CNTNAP2: variants seen among roughly 807,000 people sequenced by gnomAD.
CNTNAP2 encodes the protein contactin associated protein 2, also known as contactin-associated protein-like 2.
A neutral mutation model predicts 155.2 loss-of-function variants in CNTNAP2; 98 were observed. That is an observed-to-expected ratio of 0.63 (90% CI 0.54 to 0.75). CNTNAP2 has a LOEUF of 0.75. Ranked by LOEUF, CNTNAP2 falls within the 30% of genes least tolerant of loss-of-function variation. CNTNAP2 has a pLI of 0.00. For synonymous variants in CNTNAP2, 651 were observed against 631.2 expected (o/e 1.03, Z -0.47); for missense variants, 1,727 against 1,688.1 (o/e 1.02, Z -0.40).
chr7:146,597,255 G>C (rs1175833503), intron 1 of CNTNAP2, among the ~76,000 whole-genome samples: 4 of 152,016 alleles, frequency 2.6e-5, no homozygotes, highest in Non-Finnish European at 5.9e-5. Context: ...TTGGATGAGA[G>C]TGTAAAGGTT....
At chr7:146,239,941 T>C (rs1192637290) in intron 1 of CNTNAP2, among the ~76,000 whole-genome samples, 1 of 152,192 alleles carries the variant, frequency 6.6e-6, no homozygotes, top group African/African-American at 2.4e-5. Context: ...AAATATATTA[T>C]AAATTCTCAT....
At chr7:147,145,227 A>G (rs1205555197) in intron 8 of CNTNAP2, among the ~76,000 whole-genome samples, 1 of 152,194 alleles carries the variant, frequency 6.6e-6, no homozygotes, top group Non-Finnish European at 1.5e-5. Context: ...AGTAAGGAGA[A>G]GAAATATTCA....
intron 5 of CNTNAP2, among the ~76,000 whole-genome samples, chr7:147,117,758 C>G (rs1397341676): frequency 6.6e-6 from 1 of 152,104 alleles, no homozygotes; most frequent in Non-Finnish European, 1.5e-5. Context: ...AAAATTGCAA[C>G]TTCACTTAGG....
chr7:146,538,737 C>T (rs535668515), intron 1 of CNTNAP2, among the ~76,000 whole-genome samples: 2 of 150,404 alleles, frequency 1.3e-5, no homozygotes, highest in Non-Finnish European at 3.0e-5. Context: ...AATGAAGTCA[C>T]TGTCCACCGA....
At chr7:148,072,597 G>A (rs555886742) in intron 15 of CNTNAP2, among the ~76,000 whole-genome samples, 22 of 152,290 alleles carry the variant, frequency 1.4e-4, no homozygotes, top group Non-Finnish European at 1.2e-4. Context: ...GCAGGCCATG[G>A]GCCATAGTTT....
intron 13 of CNTNAP2, among the ~76,000 whole-genome samples, chr7:147,758,434 C>T (rs1338758722): frequency 3.3e-5 from 5 of 152,166 alleles, no homozygotes; most frequent in African/African-American, 1.2e-4. Flanking sequence ...GTTTCTGATG[C>T]CCTGAACATC....
intron 21 of CNTNAP2, among the ~76,000 whole-genome samples, chr7:148,312,175 GTTGT>G (rs1797607775): frequency 6.6e-6 from 1 of 152,194 alleles, no homozygotes; most frequent in African/African-American, 2.4e-5. Context: ...TAAGGTCATA[GTTGT>G]TTGGACAGAA....
At chr7:147,611,415 G>A (rs934869307) in intron 12 of CNTNAP2, among the ~76,000 whole-genome samples, 8 of 152,146 alleles carry the variant, frequency 5.3e-5, no homozygotes, top group South Asian at 2.1e-4. Flanking sequence ...TCTAAGTATC[G>A]ATGTAAATGT....
At chr7:146,339,151 T>C (rs956767903) in intron 1 of CNTNAP2, among the ~76,000 whole-genome samples, 1 of 152,092 alleles carries the variant, frequency 6.6e-6, no homozygotes, top group Non-Finnish European at 1.5e-5. Flanking sequence ...CTCTCTCTTC[T>C]TCAAACCTGT....
chr7:148,248,778 A>G (rs558541453), intron 20 of CNTNAP2, among the ~76,000 whole-genome samples: 1 of 152,180 alleles, frequency 6.6e-6, no homozygotes, highest in Non-Finnish European at 1.5e-5. Flanking sequence ...AATGAAATCA[A>G]TGAGTTTATG....
At chr7:147,061,945 G>A (rs906358827) in intron 4 of CNTNAP2, among the ~76,000 whole-genome samples, 2 of 151,468 alleles carry the variant, frequency 1.3e-5, no homozygotes, top group Non-Finnish European at 2.9e-5. Flanking sequence ...TGGCTCACAC[G>A]GTGAAACCCC....
rs1293824383 is a variant in CNTNAP2, at chr7:147,516,675, A to G, written c.1777+30634A>G. 3.3e-5 allele frequency among the ~76,000 whole-genome samples: 5 copies of G among 151,070 alleles called. No homozygotes were observed. The East Asian group carries it at 7.9e-4, about 24-fold the overall frequency. On this transcript the variant is annotated intron_variant, in intron 11 of 23. Transcript: ENST00000361727. ...AGGATTAGCTCTAGTTTTTAACATC[A>G]TAACAGAATATGAAGCACGATGCAC...
chr7:146,546,014 T>C (rs1434452916), intron 1 of CNTNAP2, among the ~76,000 whole-genome samples: 1 of 151,930 alleles, frequency 6.6e-6, no homozygotes, highest in East Asian at 1.9e-4. Context: ...AGAATTCATT[T>C]AGAAATGGGC....
At chr7:148,072,967 C>A (rs532747326) in intron 15 of CNTNAP2, among the ~76,000 whole-genome samples, 3 of 152,294 alleles carry the variant, frequency 2.0e-5, no homozygotes, top group East Asian at 3.9e-4. Flanking sequence ...CTCGGCCCCC[C>A]AAAGTACTGG....
At chr7:147,916,489 T>C (rs1800163826) in intron 14 of CNTNAP2, among the ~76,000 whole-genome samples, 1 of 151,320 alleles carries the variant, frequency 6.6e-6, no homozygotes, top group Non-Finnish European at 1.5e-5. Flanking sequence ...GTACTAGAAA[T>C]AGATATAGCC....
At chr7:146,927,651 T>C (rs944231104) in intron 3 of CNTNAP2, among the ~76,000 whole-genome samples, 11 of 152,108 alleles carry the variant, frequency 7.2e-5, no homozygotes, top group Non-Finnish European at 1.5e-4. Flanking sequence ...AACACATTTC[T>C]ATGACATTTT....
chr7:146,843,259 G>T (rs1281214439), intron 3 of CNTNAP2, among the ~76,000 whole-genome samples: 4 of 146,712 alleles, frequency 2.7e-5, no homozygotes, highest in Admixed American at 2.0e-4. Context: ...TGATCCACCC[G>T]CCTCGGCCTC....
At position 146,622,171 on chromosome 7, in the gene CNTNAP2, G is replaced by A. The variant is rs185392153; in HGVS notation, c.98-152100G>A. Among the ~76,000 whole-genome samples the A allele has an allele frequency of 7.1e-3, 1,045 of 146,848 alleles. 9 individuals are homozygous for A. The highest frequency in any genetic ancestry group is 0.025 in the African/African-American group (999 of 39,586). On this transcript the variant is annotated intron_variant, in intron 1 of 23. Coordinates refer to ENST00000361727, the MANE Select transcript of CNTNAP2 (RefSeq NM_014141.6). ...CACACGTATATATATATACACACAC[G>A]TATATATATACACATATATACATAT...
intron 1 of CNTNAP2, among the ~76,000 whole-genome samples, chr7:146,400,370 T>C (rs552237974): frequency 6.6e-6 from 1 of 152,296 alleles, no homozygotes; most frequent in African/African-American, 2.4e-5. Flanking sequence ...GTTTCTGCTA[T>C]AGTAAAATAT....
Sources: allele counts gnomAD v4.1 joint callset (sites outside exome capture counted in the v4.1 genomes callset), GRCh38; gene constraint gnomAD v4.1.1; transcripts MANE v1.5; gene names NCBI Gene and HGNC (gene_info 2026-07-23, HGNC 2026-07-21).